The following EXOC6B variants were observed in gnomAD, a reference collection of about 807,000 sequenced individuals.
EXOC6B encodes the protein exocyst complex component 6B, also known as SEC15 homolog B.
Under a neutral mutation model 113.5 loss-of-function variants are expected in EXOC6B, and 54 were observed. The ratio of observed to expected loss-of-function variants is 0.48; its 90% CI spans 0.38 to 0.60. The LOEUF (loss-of-function observed/expected upper bound fraction) is 0.60. EXOC6B is among the 20% of genes least tolerant of loss of function. The pLI, the probability that EXOC6B is intolerant of heterozygous loss-of-function variation, is 0.00. For missense variants in EXOC6B, 797 were observed against 977.5 expected, an observed-to-expected ratio of 0.82 and a Z score of 2.46; for synonymous variants, 357 against 339.0, an observed-to-expected ratio of 1.05 and a Z score of -0.58.
intron 11 of EXOC6B, among the ~76,000 whole-genome samples, chr2:72,504,297 C>CT (rs1186165665): frequency 6.6e-6 from 1 of 152,132 alleles, no homozygotes; most frequent in Admixed American, 6.5e-5. Context: ...TTCTCTCAGT[C>CT]TGTAGCTAGT....
chr2:72,546,491 G>A (rs571416081), intron 8 of EXOC6B, among the ~76,000 whole-genome samples: 1 of 152,276 alleles, frequency 6.6e-6, no homozygotes, highest in East Asian at 1.9e-4. Flanking sequence ...TAGCTCTGCT[G>A]CTGATTCACT....
chr2:72,566,521 G>C (rs1704188148), intron 7 of EXOC6B, among the ~76,000 whole-genome samples: 1 of 151,860 alleles, frequency 6.6e-6, no homozygotes, highest in Non-Finnish European at 1.5e-5. Flanking sequence ...GAATATGCTG[G>C]TTCAATACCC....
At chr2:72,374,061 C>A (rs1359254768) in intron 19 of EXOC6B, among the ~76,000 whole-genome samples, 1 of 151,976 alleles carries the variant, frequency 6.6e-6, no homozygotes, top group Non-Finnish European at 1.5e-5. Flanking sequence ...CAGAGTGAGA[C>A]CCTGTCTCAA....
intron 1 of EXOC6B, among the ~76,000 whole-genome samples, chr2:72,771,714 T>A (rs963173699): frequency 2.6e-5 from 4 of 152,058 alleles, no homozygotes; most frequent in Non-Finnish European, 2.9e-5. Flanking sequence ...GTAGCTCACA[T>A]CTGTAATCTC....
intron 5 of EXOC6B, among the ~76,000 whole-genome samples, chr2:72,725,357 C>A (rs900709793): frequency 2.0e-5 from 3 of 152,066 alleles, no homozygotes; most frequent in African/African-American, 4.8e-5. Flanking sequence ...GATACTATTT[C>A]ACACCCACCA....
At chr2:72,345,726 C>G (rs886083809) in intron 19 of EXOC6B, among the ~76,000 whole-genome samples, 1 of 152,050 alleles carries the variant, frequency 6.6e-6, no homozygotes, top group Non-Finnish European at 1.5e-5. Context: ...GACAAGGAAA[C>G]TATTCTCTAT....
chr2:72,423,261 C>T (rs1695012971), intron 18 of EXOC6B, among the ~76,000 whole-genome samples: 1 of 151,894 alleles, frequency 6.6e-6, no homozygotes, highest in Admixed American at 6.6e-5. Flanking sequence ...GGAAGAAACT[C>T]CGAACACATC....
At chr2:72,614,096 C>A (rs1671244283) in intron 6 of EXOC6B, among the ~76,000 whole-genome samples, 1 of 152,048 alleles carries the variant, frequency 6.6e-6, no homozygotes, top group Non-Finnish European at 1.5e-5. Flanking sequence ...CTCTATCTGG[C>A]CGTTTATGGA....
chr2:72,296,565 G>C (rs770388765), intron 20 of EXOC6B, among the ~76,000 whole-genome samples: 5 of 152,076 alleles, frequency 3.3e-5, no homozygotes, highest in Non-Finnish European at 5.9e-5. Flanking sequence ...TATTTTGCCT[G>C]CTCCTAAAAA....
chr2:72,644,861 T>A (rs1673571408), intron 6 of EXOC6B, among the ~76,000 whole-genome samples: 1 of 152,120 alleles, frequency 6.6e-6, no homozygotes, highest in Non-Finnish European at 1.5e-5. Context: ...ACATCGATGC[T>A]AGGAAGAAAC....
chr2:72,781,201 C>T (rs1252089233), intron 1 of EXOC6B, among the ~76,000 whole-genome samples: 2 of 152,168 alleles, frequency 1.3e-5, no homozygotes, highest in Non-Finnish European at 1.5e-5. Flanking sequence ...CATTTCTATC[C>T]ATTTTTTCTT....
chr2:72,223,900 G>A, intron 20 of EXOC6B, among the ~76,000 whole-genome samples: 1 of 152,084 alleles, frequency 6.6e-6, no homozygotes, highest in East Asian at 1.9e-4. Flanking sequence ...GGTGAACTTG[G>A]CATCTATTAA....
In EXOC6B at chr2:72,609,182, C is replaced by A. The variant is rs528246861; in HGVS notation, c.670-33514G>T. Among the ~76,000 whole-genome samples, 6 of 152,070 alleles carry A rather than the reference C, an allele frequency of 3.9e-5. No homozygotes were observed. The East Asian group carries it at 9.7e-4, about 25-fold the overall frequency. ...ATACCCTGTTGGAAGAGCAAACAAT[C>A]AAAAATTATGAGACATGGGAAAAAG... On this transcript the variant is annotated intron_variant, in intron 6 of 21. Transcript: ENST00000272427.
At chr2:72,462,478 A>G (rs1051127709) in intron 18 of EXOC6B, 5 of 152,158 alleles carry the variant, frequency 3.3e-5, no homozygotes, top group Non-Finnish European at 7.4e-5. Context: ...TTTAATTTTT[A>G]ATTTTTGTGG....
intron 7 of EXOC6B, among the ~76,000 whole-genome samples, chr2:72,566,012 GT>G (rs532606461): frequency 3.8e-4 from 54 of 143,754 alleles, no homozygotes; most frequent in Admixed American, 3.5e-4. Flanking sequence ...GTTTTGTTTT[GT>G]TTTTTTTTTT....
chr2:72,338,662 TG>T (rs1688839688), intron 19 of EXOC6B, among the ~76,000 whole-genome samples: 1 of 152,108 alleles, frequency 6.6e-6, no homozygotes, highest in African/African-American at 2.4e-5. Context: ...TATTAAAAAA[TG>T]TTAATAGCAT....
At chr2:72,687,469 T>C (rs1677171680) in intron 6 of EXOC6B, among the ~76,000 whole-genome samples, 1 of 151,982 alleles carries the variant, frequency 6.6e-6, no homozygotes, top group Admixed American at 6.6e-5. Context: ...CAAAATTAAA[T>C]AGCTTTTTTT....
chr2:72,237,724 T>C (rs1046717301), intron 20 of EXOC6B, among the ~76,000 whole-genome samples: 4 of 152,206 alleles, frequency 2.6e-5, no homozygotes, highest in African/African-American at 9.7e-5. Context: ...CTTTGTATAA[T>C]ATATTTCTAC....
chr2:72,718,827 C>T (rs746405777), intron 5 of EXOC6B, among the ~76,000 whole-genome samples: 3 of 151,942 alleles, frequency 2.0e-5, no homozygotes, highest in Non-Finnish European at 2.9e-5. Flanking sequence ...GCCTAGAGGA[C>T]GAAGTGAGAC....
Sources: gnomAD v4.1 joint callset for allele counts (sites outside exome capture counted in the v4.1 genomes callset) on GRCh38, gnomAD v4.1.1 for gene constraint, MANE v1.5 for transcripts, NCBI Gene and HGNC (gene_info 2026-07-23, HGNC 2026-07-21) for gene names.